PAQR5: variants seen among roughly 807,000 people sequenced by gnomAD.
PAQR5 encodes the protein membrane progestin receptor gamma.
PAQR5 carries 20 observed loss-of-function variants against 34.5 expected under a neutral mutation model. The observed-to-expected ratio is 0.58, with a 90% CI of 0.41 to 0.84. The LOEUF (loss-of-function observed/expected upper bound fraction) is 0.84, where lower values mean the gene tolerates loss of function less well. Among genes scored for constraint, PAQR5 ranks in the 40% least tolerant of loss-of-function variants. PAQR5 has a pLI of 0.00. For synonymous variants in PAQR5, 131 were observed against 155.6 expected (o/e 0.84, Z 1.18); for missense variants, 378 against 412.7 (o/e 0.92, Z 0.73).
intron 7 of PAQR5, among the ~76,000 whole-genome samples, chr15:69,398,610 C>G (rs2056528331): frequency 6.6e-6 from 1 of 152,016 alleles, no homozygotes; most frequent in Non-Finnish European, 1.5e-5. Flanking sequence ...CACCCAGCAG[C>G]TGGGGCATTG....
chr15:69,347,024 G>A (rs182868636), intron 2 of PAQR5, among the ~76,000 whole-genome samples: 68 of 152,126 alleles, frequency 4.5e-4, no homozygotes, highest in Middle Eastern at 6.8e-3. Flanking sequence ...GTTTCACCAC[G>A]TTGGCCAGGC....
chr15:69,333,800 G>A (rs1279951638), intron 1 of PAQR5, among the ~76,000 whole-genome samples: 1 of 152,126 alleles, frequency 6.6e-6, no homozygotes, highest in Non-Finnish European at 1.5e-5. Flanking sequence ...CCTAAAGCCA[G>A]TCACCCAATT....
chr15:69,334,301 A>G (rs1239336662), intron 1 of PAQR5, among the ~76,000 whole-genome samples: 2 of 152,188 alleles, frequency 1.3e-5, no homozygotes. Flanking sequence ...GTGCTGGGAT[A>G]ACAGGCATGA....
chr15:69,335,492 G>T (rs916110450), intron 1 of PAQR5, among the ~76,000 whole-genome samples: 3 of 146,192 alleles, frequency 2.1e-5, no homozygotes, highest in Non-Finnish European at 4.5e-5. Flanking sequence ...TGATCTGCCC[G>T]CCTCGGCCTC....
intron 2 of PAQR5, among the ~76,000 whole-genome samples, chr15:69,358,379 G>C (rs2055134950): frequency 6.6e-6 from 1 of 152,138 alleles, no homozygotes; most frequent in Admixed American, 6.5e-5. Context: ...GCTCTGGTCA[G>C]CTTTCTGGAA....
intron 7 of PAQR5, chr15:69,397,853 T>G: frequency 2.3e-6 from 1 of 432,430 alleles, no homozygotes; most frequent in East Asian, 4.3e-5. Context: ...ATATCTTTCT[T>G]TCCCCCACAC....
intron 1 of PAQR5, among the ~76,000 whole-genome samples, chr15:69,308,216 C>G (rs2053759384): frequency 6.6e-6 from 1 of 152,174 alleles, no homozygotes; most frequent in Non-Finnish European, 1.5e-5. Context: ...CACTGCCAAG[C>G]TCGAGGCTGC....
chr15:69,378,436 C>CAAAAAAAAA (rs1235264927), intron 3 of PAQR5, among the ~76,000 whole-genome samples: 1 of 52,528 alleles, frequency 1.9e-5, no homozygotes, highest in Non-Finnish European at 3.0e-5. Context: ...GACCCTGTCT[C>CAAAAAAAAA]AAAAAAAAAA....
intron 2 of PAQR5, among the ~76,000 whole-genome samples, chr15:69,339,039 C>T (rs2054574637): frequency 6.6e-6 from 1 of 152,150 alleles, no homozygotes; most frequent in Non-Finnish European, 1.5e-5. Context: ...TCAGCAGGCA[C>T]CGCTCAGATC....
intron 2 of PAQR5, among the ~76,000 whole-genome samples, chr15:69,339,075 G>T (rs1208235276): frequency 6.6e-6 from 1 of 150,450 alleles, no homozygotes; most frequent in African/African-American, 2.4e-5. Context: ...CTGATCTTGT[G>T]GGCCCCACCC....
At chr15:69,335,189 A>G (rs953119926) in intron 1 of PAQR5, among the ~76,000 whole-genome samples, 2 of 151,306 alleles carry the variant, frequency 1.3e-5, no homozygotes, top group Non-Finnish European at 2.9e-5. Context: ...GTGCTCAAGC[A>G]TGGGCAACAG....
At chr15:69,314,965 G>A (rs369200490) in intron 1 of PAQR5, among the ~76,000 whole-genome samples, 1 of 152,170 alleles carries the variant, frequency 6.6e-6, no homozygotes, top group African/African-American at 2.4e-5. Flanking sequence ...CTGTCTGGGC[G>A]CCTGCTGGTG....
At chr15:69,384,994 G>A (rs2056068282) in intron 5 of PAQR5, 112 bp downstream of exon 5, 2 of 732,788 alleles carry the variant, frequency 2.7e-6, no homozygotes, top group Non-Finnish European at 4.6e-6. Flanking sequence ...AGAATCCAGG[G>A]ATTATGCCAG....
At position 69,406,464 on chromosome 15, in the gene PAQR5, A is replaced by C. The variant is rs2056751199; in HGVS notation, c.*2642A>C. The C allele has an allele frequency of 6.6e-6, 1 of 152,252 alleles. No homozygotes were observed. The highest frequency in any genetic ancestry group is 1.5e-5 in the Non-Finnish European group (1 of 68,052). The allele number at this position is 152,252 out of a possible 1,614,324, so 9.4% of individuals were successfully genotyped here. On this transcript the variant is annotated 3_prime_UTR_variant, in exon 9 of 9. Transcript: ENST00000395407. ...GTGGCTGGTCTGAAGGTAGTGAGTT[A>C]GCTCAATTGATTGTTCGCAGTCAGT...
intron 1 of PAQR5, among the ~76,000 whole-genome samples, chr15:69,307,905 G>C (rs1250847630): frequency 6.6e-6 from 1 of 152,220 alleles, no homozygotes; most frequent in Non-Finnish European, 1.5e-5. Flanking sequence ...ACCTGGGTAA[G>C]TTCACTGGAG....
At chr15:69,311,034 G>A (rs1434298578) in intron 1 of PAQR5, among the ~76,000 whole-genome samples, 6 of 69,556 alleles carry the variant, frequency 8.6e-5, no homozygotes, top group Non-Finnish European at 1.2e-4. Context: ...GCAAGACTCC[G>A]TCGCAAAAAA....
chr15:69,374,012 A>G lies in PAQR5; in HGVS notation c.52-5871A>G, dbSNP rs556808257. ...CCTGATATTCATCATTTATTTCATT[A>G]ATTTTTATCCGTCTTACATGTTCAG... On this transcript the variant is annotated intron_variant, in intron 3 of 8. Transcript: ENST00000395407. Among the ~76,000 whole-genome samples, 3 of 152,206 alleles carry G rather than the reference A, an allele frequency of 2.0e-5. No homozygotes were observed. In the South Asian group the frequency reaches 6.2e-4, roughly 32 times the overall value.
chr15:69,369,469 G>T (rs75561031), intron 3 of PAQR5, among the ~76,000 whole-genome samples: 2 of 152,038 alleles, frequency 1.3e-5, no homozygotes, highest in African/African-American at 4.8e-5. Context: ...TCAGGAGGCA[G>T]AGGTTGCAGT....
At chr15:69,366,514 A>G (rs756681638) in intron 3 of PAQR5, among the ~76,000 whole-genome samples, 12 of 152,198 alleles carry the variant, frequency 7.9e-5, no homozygotes, top group Non-Finnish European at 1.8e-4. Flanking sequence ...GCTTCCAAGT[A>G]TATGGAGTTT....
Sources: allele counts gnomAD v4.1 joint callset (sites outside exome capture counted in the v4.1 genomes callset), GRCh38; gene constraint gnomAD v4.1.1; transcripts MANE v1.5; gene names NCBI Gene and HGNC (gene_info 2026-07-23, HGNC 2026-07-21).